Variants in LANCL2 observed in about 807,000 individuals in gnomAD.
LANCL2 encodes the protein LanC like glutathione S-transferase 2.
LANCL2 carries 33 observed loss-of-function variants against 56.9 expected under a neutral mutation model. The ratio of observed to expected loss-of-function variants is 0.58; its 90% CI spans 0.44 to 0.78. The LOEUF (loss-of-function observed/expected upper bound fraction) is 0.78. Among genes scored for constraint, LANCL2 ranks in the 30% least tolerant of loss-of-function variants. The pLI is 0.00. For missense variants in LANCL2, 562 were observed against 580.2 expected, an observed-to-expected ratio of 0.97 and a Z score of 0.32; for synonymous variants, 233 against 228.2, an observed-to-expected ratio of 1.02 and a Z score of -0.19.
chr7:55,406,956 A>G (rs1298578456), intron 5 of LANCL2, among the ~76,000 whole-genome samples: 1 of 152,110 alleles, frequency 6.6e-6, no homozygotes, highest in Non-Finnish European at 1.5e-5. Flanking sequence ...TGCCCACGAG[A>G]AGCAAGTCAG....
In LANCL2 at chr7:55,371,213, TTCTCTA is replaced by T. The variant is rs1789940086; in HGVS notation, c.204+4990_204+4995del. 7.2e-5 allele frequency among the ~76,000 whole-genome samples: 11 copies of T among 152,338 alleles called. No individual in the cohort carries two copies. The South Asian group carries it at 2.3e-3, about 32-fold the overall frequency. Reference sequence around the variant, plus strand: ...ACTGCCTCCGGTAATAACTGTTTTGTTCTCTATCTCTGTATAGTTTTGGGTTTTGTT... The same window carrying T: ...ACTGCCTCCGGTAATAACTGTTTTGTTCTCTGTATAGTTTTGGGTTTTGTT... On this transcript the variant is annotated intron_variant, in intron 1 of 8. Transcript: ENST00000254770.
intron 1 of LANCL2, among the ~76,000 whole-genome samples, chr7:55,366,663 G>A (rs577938590): frequency 6.6e-6 from 1 of 152,336 alleles, no homozygotes; most frequent in African/African-American, 2.4e-5. Context: ...AAGAAGCATT[G>A]TCCGTACTGT....
chr7:55,372,071 C>T (rs73126045), intron 1 of LANCL2, among the ~76,000 whole-genome samples: 235 of 152,324 alleles, frequency 1.5e-3, no homozygotes, highest in Non-Finnish European at 8.2e-4. Context: ...TTAACAAGAT[C>T]CTCATGCCAG....
At chr7:55,406,307 C>T (rs1332563456) in intron 5 of LANCL2, among the ~76,000 whole-genome samples, 1 of 152,200 alleles carries the variant, frequency 6.6e-6, no homozygotes, top group Admixed American at 6.5e-5. Context: ...CCTGCATGTC[C>T]TTCATAGGCT....
intron 8 of LANCL2, 47 bp from the exon 9 acceptor site, chr7:55,431,179 C>T (rs1311165414): frequency 2.1e-6 from 3 of 1,397,932 alleles, no homozygotes; most frequent in Admixed American, 3.8e-5. Flanking sequence ...CTGTTATAGA[C>T]ACTACCCTTA....
At chr7:55,401,386 G>A in intron 5 of LANCL2, 66 bp downstream of exon 5, 1 of 1,423,562 alleles carries the variant, frequency 7.0e-7, no homozygotes, top group Non-Finnish European at 9.8e-7. Context: ...AATGAATCCT[G>A]CATATAAACA....
chr7:55,375,723 A>G (rs1288672849), intron 1 of LANCL2, among the ~76,000 whole-genome samples: 1 of 152,218 alleles, frequency 6.6e-6, no homozygotes, highest in African/African-American at 2.4e-5. Flanking sequence ...ATAAGGCCAA[A>G]GTCAAAGCAT....
At position 55,400,123 on chromosome 7, in the gene LANCL2, A is replaced by G. The variant is rs759224901; in HGVS notation, c.678+19A>G. On this transcript the variant is annotated intron_variant, in intron 4 of 8. Transcript: ENST00000254770. The stretch of plus-strand genomic sequence containing the variant: ...TAAAGAGGTACTATGGGGTATGGGT[A>G]ACTATGGGCGTCTCTACCATTCAAA... 249 of 1,560,170 alleles carry G rather than the reference A, an allele frequency of 1.6e-4. No individual in the cohort carries two copies. Among genetic ancestry groups the G allele is most frequent in the Non-Finnish European group, 2.0e-4 (228 of 1,144,704 alleles).
At chr7:55,390,835 T>G (rs1187304812) in intron 1 of LANCL2, among the ~76,000 whole-genome samples, 1 of 151,928 alleles carries the variant, frequency 6.6e-6, no homozygotes. Context: ...TAAGCTACAT[T>G]ATTTAAGAAT....
At chr7:55,396,099 A>G (rs948446897) in intron 2 of LANCL2, among the ~76,000 whole-genome samples, 2 of 152,248 alleles carry the variant, frequency 1.3e-5, no homozygotes, top group African/African-American at 4.8e-5. Flanking sequence ...TTATGGGACT[A>G]TGCCTATGCA....
intron 1 of LANCL2, among the ~76,000 whole-genome samples, chr7:55,372,813 T>C (rs1039065362): frequency 2.0e-5 from 3 of 152,256 alleles, no homozygotes; most frequent in Non-Finnish European, 1.5e-5. Context: ...TGTCTCCTTT[T>C]TTTCCTAAGG....
chr7:55,423,053 A>G (rs1790625453), intron 6 of LANCL2, among the ~76,000 whole-genome samples: 1 of 152,150 alleles, frequency 6.6e-6, no homozygotes, highest in African/African-American at 2.4e-5. Flanking sequence ...GAAACTTACC[A>G]TTTGGGGGAG....
Position 55,410,028 on chromosome 7 carries a change from G to C in LANCL2, c.826-1879G>C, listed in dbSNP as rs373868988. Among the ~76,000 whole-genome samples, 26 of 152,320 alleles carry C rather than the reference G, an allele frequency of 1.7e-4. No individual in the cohort carries two copies. In the South Asian group the frequency reaches 5.2e-3, roughly 30 times the overall value. On this transcript the variant is annotated intron_variant, in intron 5 of 8. Coordinates refer to ENST00000254770, the MANE Select transcript of LANCL2 (RefSeq NM_018697.4). ...TCTTGGGAAGATCAGAGGAAGGAAAGTGTCCCTCATCTGCCACAAGGGGAA... is the reference window on the plus strand; with the variant it reads ...TCTTGGGAAGATCAGAGGAAGGAAACTGTCCCTCATCTGCCACAAGGGGAA...
intron 1 of LANCL2, among the ~76,000 whole-genome samples, chr7:55,376,486 A>G (rs572978059): frequency 6.6e-6 from 1 of 152,240 alleles, no homozygotes; most frequent in Admixed American, 6.5e-5. Flanking sequence ...CATCAAAGAA[A>G]GGGTCTCCTA....
chr7:55,390,146 T>A (rs1349080403), intron 1 of LANCL2, among the ~76,000 whole-genome samples: 2 of 152,194 alleles, frequency 1.3e-5, no homozygotes, highest in Non-Finnish European at 2.9e-5. Flanking sequence ...ATTATGAAAC[T>A]GAGTCGGTTT....
intron 1 of LANCL2, among the ~76,000 whole-genome samples, chr7:55,384,411 G>A (rs188859908): frequency 6.6e-6 from 1 of 152,176 alleles, no homozygotes; most frequent in Non-Finnish European, 1.5e-5. Context: ...AATTAGCCGG[G>A]TGTGGTGGCG....
At chr7:55,388,096 A>G (rs2128992446) in intron 1 of LANCL2, among the ~76,000 whole-genome samples, 1 of 152,338 alleles carries the variant, frequency 6.6e-6, no homozygotes, top group African/African-American at 2.4e-5. Flanking sequence ...TTTCTCTTGT[A>G]GCTTGTCTAT....
chr7:55,371,880 T>C (rs1036301766), intron 1 of LANCL2, among the ~76,000 whole-genome samples: 8 of 152,180 alleles, frequency 5.3e-5, no homozygotes, highest in African/African-American at 1.9e-4. Context: ...GAAATGTAAT[T>C]TTTTTCTCTT....
chr7:55,420,351 G>T (rs1465798760), intron 6 of LANCL2, among the ~76,000 whole-genome samples: 1 of 152,130 alleles, frequency 6.6e-6, no homozygotes, highest in East Asian at 1.9e-4. Context: ...GTGTTTTTCA[G>T]ATATTTGAGA....
Sources: gnomAD v4.1 joint callset for allele counts (sites outside exome capture counted in the v4.1 genomes callset) on GRCh38, gnomAD v4.1.1 for gene constraint, MANE v1.5 for transcripts, NCBI Gene and HGNC (gene_info 2026-07-23, HGNC 2026-07-21) for gene names.